PIK3R2: variants seen among roughly 807,000 people sequenced by gnomAD.
PIK3R2 encodes phosphoinositide-3-kinase regulatory subunit 2.
PIK3R2 carries 40 observed loss-of-function variants against 78.5 expected under a neutral mutation model. The observed-to-expected ratio is 0.51, with a 90% confidence interval of 0.40 to 0.66. The LOEUF (loss-of-function observed/expected upper bound fraction) is 0.66, where lower values mean the gene tolerates loss of function less well. Ranked by LOEUF, PIK3R2 falls within the 30% of genes least tolerant of loss-of-function variation. The probability of loss-of-function intolerance (pLI) is 0.00; values close to 1 mark genes in which losing one functional copy is unlikely to be tolerated. For synonymous variants in PIK3R2, 473 were observed against 457.7 expected, an observed-to-expected ratio of 1.03 and a Z score of -0.43; for missense variants, 880 against 1,026.6, an observed-to-expected ratio of 0.86 and a Z score of 1.95.
At position 18,161,475 on chromosome 19, in the gene PIK3R2, G is replaced by C; in HGVS notation, c.795G>C (p.Pro265=). ...LRAPPPPSSP[P]PGGAPDGSEP... The stretch of plus-strand genomic sequence containing the variant: ...CGCCGCCGCCGCCGTCCTCGCCGCC[G>C]CCAGGGGGCGCTCCCGACGGGTGAG... The change falls in exon 6 of 16, where the codon CCG becomes CCC. Residue 265 remains proline (P), a synonymous_variant. Transcript: ENST00000222254. This position sits in a 1 kb window ranked among gnomAD's most constrained non-coding sequence, Gnocchi z 5.3. 4 of 1,174,580 alleles carry C rather than the reference G, an allele frequency of 3.4e-6. No homozygotes were observed. The highest frequency in any genetic ancestry group is 3.4e-4 in the Middle Eastern group (1 of 2,958). The allele number at this position is 1,174,580 out of a possible 1,614,324, so 72.8% of individuals were successfully genotyped here. A position where few individuals can be genotyped will look rare whatever the true frequency, so the allele number is the denominator to read the frequency against.
rs1302784187 is a variant in PIK3R2 at position 18,161,436 on chromosome 19, G to A, written c.756G>A (p.Pro252=). 1 of 1,205,442 alleles carries A rather than the reference G, an allele frequency of 8.3e-7. No homozygotes were observed. The highest frequency in any genetic ancestry group is 1.0e-6 in the Non-Finnish European group (1 of 972,748). 74.7% of individuals were successfully genotyped at this position (1,205,442 alleles called of 1,614,324 possible). ...GGGCCCTGGGCGCCACCTTTGGGCC[G>A]CTGCTGCTGCGCGCGCCGCCGCCGC... ...AVRALGATFG[P]LLLRAPPPPS... is the part of the protein sequence containing the mutation. The change falls in exon 6 of 16, where the codon CCG becomes CCA. Residue 252 remains proline, a synonymous_variant. Coordinates refer to ENST00000222254, the MANE Select transcript of PIK3R2 (RefSeq NM_005027.4). This position sits in a 1 kb window ranked among gnomAD's most constrained non-coding sequence, Gnocchi z 5.3.
At position 18,167,371 on chromosome 19, in the gene PIK3R2, C is replaced by G. The variant is rs1397837614; in HGVS notation, c.1736+65C>G. The G allele has an allele frequency of 7.4e-6, 10 of 1,347,140 alleles. No individual in the cohort carries two copies. The highest frequency in any genetic ancestry group is 1.0e-5 in the Non-Finnish European group (10 of 1,001,078). 83.4% of individuals were successfully genotyped at this position (1,347,140 alleles called of 1,614,324 possible). ...ACTGCTGCGGCACATGGAGATCTCT[C>G]TAGGAGTCTCAGTCTCTCTCTCTCC... On this transcript the variant is annotated intron_variant, in intron 13 of 15. Coordinates refer to ENST00000222254, the MANE Select transcript of PIK3R2 (RefSeq NM_005027.4). This position sits in a 1 kb window ranked among gnomAD's most constrained non-coding sequence, Gnocchi z 4.5.
rs563349063 is a variant in PIK3R2, at chr19:18,155,642, A to G, written c.-238A>G. On this transcript the variant is annotated 5_prime_UTR_variant, in exon 2 of 16. Transcript: ENST00000222254. ...CCAGTGACCTGACACCACACCACCA[A>G]CTCCCTCCCACCAGCTGACGAATGG... The G allele has an allele frequency of 1.8e-6, 1 of 541,526 alleles. No homozygotes were observed. Among genetic ancestry groups the G allele is most frequent in the South Asian group, 2.4e-5 (1 of 41,728 alleles). The allele number at this position is 541,526 out of a possible 1,614,324, so 33.5% of individuals were successfully genotyped here. A position where few individuals can be genotyped will look rare whatever the true frequency, so the allele number is the denominator to read the frequency against.
chr19:18,166,154 C>A lies in PIK3R2; in HGVS notation c.1417-6C>A. On this transcript the variant is annotated splice_region_variant and splice_polypyrimidine_tract_variant and intron_variant, in intron 11 of 15. Transcript: ENST00000222254. ...AGGAGGTGCTGAGCTGCGCCCCCTC[C>A]TCCAGGAGCTGCAGATGAAGCGTAC... 1 of 1,613,946 alleles carries A rather than the reference C, an allele frequency of 6.2e-7. No individual in the cohort carries two copies. The highest frequency in any genetic ancestry group is 8.5e-7 in the Non-Finnish European group (1 of 1,179,978).
At chr19:18,159,144 CTTTT>C (rs57543686) in intron 2 of PIK3R2, among the ~76,000 whole-genome samples, 7 of 50,054 alleles carry the variant, frequency 1.4e-4, no homozygotes, top group African/African-American at 3.2e-4. Flanking sequence ...GCCTGGCCTC[CTTTT>C]TTTTTTTTTT....
intron 11 of PIK3R2, among the ~76,000 whole-genome samples, chr19:18,164,539 T>G (rs1195316783): frequency 6.6e-6 from 1 of 152,174 alleles, no homozygotes; most frequent in African/African-American, 2.4e-5. Flanking sequence ...CTAATAAGCT[T>G]CTTTTGCAAG....
rs2043820682 is a variant in PIK3R2 at position 18,167,391 on chromosome 19, C to T, written c.1736+85C>T. The T allele has an allele frequency of 8.1e-7, 1 of 1,229,770 alleles. No individual in the cohort carries two copies. Among genetic ancestry groups the T allele is most frequent in the South Asian group, 1.7e-5 (1 of 57,466 alleles). The allele number at this position is 1,229,770 out of a possible 1,614,324, so 76.2% of individuals were successfully genotyped here. A position where few individuals can be genotyped will look rare whatever the true frequency, so the allele number is the denominator to read the frequency against. On this transcript the variant is annotated intron_variant, in intron 13 of 15. Transcript: ENST00000222254. This position sits in a 1 kb window ranked among gnomAD's most constrained non-coding sequence, Gnocchi z 4.5. ...TCTCTCTAGGAGTCTCAGTCTCTCT[C>T]TCTCCACCAAGTGGCCCTTCCTGGG...
In PIK3R2 at chr19:18,160,974, A is replaced by C; in HGVS notation, c.466+5A>C. The stretch of plus-strand genomic sequence containing the variant: ...AGCTGCCCGCACCGCGTACAGGTGA[A>C]GGGGAGCCTCAATGGGGTTGGGAGG... On this transcript the variant is annotated splice_donor_5th_base_variant and intron_variant, in intron 4 of 15. Coordinates refer to ENST00000222254, the MANE Select transcript of PIK3R2 (RefSeq NM_005027.4). The C allele has an allele frequency of 6.2e-7, 1 of 1,612,804 alleles. No homozygotes were observed. Among genetic ancestry groups the C allele is most frequent in the African/African-American group, 1.3e-5 (1 of 75,058 alleles).
Position 18,169,389 on chromosome 19 carries a change from G to A in PIK3R2, c.*95G>A, listed in dbSNP as rs1191344924. 2 of 584,050 alleles carry A rather than the reference G, an allele frequency of 3.4e-6. No individual in the cohort carries two copies. Among genetic ancestry groups the A allele is most frequent in the Non-Finnish European group, 5.0e-6 (2 of 399,724 alleles). 36.2% of individuals were successfully genotyped at this position (584,050 alleles called of 1,614,324 possible). A position where few individuals can be genotyped will look rare whatever the true frequency, so the allele number is the denominator to read the frequency against. On this transcript the variant is annotated 3_prime_UTR_variant, in exon 16 of 16. Transcript: ENST00000222254. ...CCACGGACCAGACCAGCCACATCCAGGGGTCCTCATTTCTCCGGCTCTGGC... is the reference window on the plus strand; with the variant it reads ...CCACGGACCAGACCAGCCACATCCAAGGGTCCTCATTTCTCCGGCTCTGGC...
chr19:18,168,240 G>A lies in PIK3R2; in HGVS notation c.1737-235G>A, dbSNP rs1041702825. ...CATCTTCTTGGGGGACTCCATAGGCGTTAACAGAAACAAAAAAATGAGGGG... is the reference window on the plus strand; with the variant it reads ...CATCTTCTTGGGGGACTCCATAGGCATTAACAGAAACAAAAAAATGAGGGG... On this transcript the variant is annotated intron_variant, in intron 13 of 15. Coordinates refer to ENST00000222254, the MANE Select transcript of PIK3R2 (RefSeq NM_005027.4). This position sits in a 1 kb window ranked among gnomAD's most constrained non-coding sequence, Gnocchi z 4.1. Among the ~76,000 whole-genome samples the A allele has an allele frequency of 9.2e-5, 14 of 152,160 alleles. No individual in the cohort carries two copies. Among genetic ancestry groups the A allele is most frequent in the Non-Finnish European group, 1.8e-4 (12 of 68,012 alleles).
chr19:18,166,016 G>T, intron 11 of PIK3R2, 144 bp from the exon 12 acceptor site: 2 of 1,014,384 alleles, frequency 2.0e-6, no homozygotes, highest in Non-Finnish European at 3.1e-6. Context: ...GAGTTCATTT[G>T]GTGCAGCAGG....
At chr19:18,162,750 C>T (rs924858638) in intron 9 of PIK3R2, 1 of 602,262 alleles carries the variant, frequency 1.7e-6, no homozygotes, top group Non-Finnish European at 2.9e-6. Context: ...ATTAGCCAGG[C>T]ATGGTGATGG....
intron 2 of PIK3R2, among the ~76,000 whole-genome samples, chr19:18,157,088 A>C (rs758589970): frequency 2.9e-4 from 44 of 152,224 alleles, no homozygotes; most frequent in Non-Finnish European, 4.4e-4. Flanking sequence ...AGGGAGGCCA[A>C]AGCCCCGGGA....
At chr19:18,163,657 C>CAAAAAAATTT (rs1190517663) in intron 11 of PIK3R2, among the ~76,000 whole-genome samples, 5 of 152,058 alleles carry the variant, frequency 3.3e-5, no homozygotes, top group Non-Finnish European at 5.9e-5. Context: ...GACCCGTCTA[C>CAAAAAAATTT]AAAAAAATTT....
chr19:18,157,557 C>T (rs773867660), intron 2 of PIK3R2, among the ~76,000 whole-genome samples: 4 of 152,186 alleles, frequency 2.6e-5, no homozygotes, highest in African/African-American at 9.7e-5. Flanking sequence ...TGTGCACCCA[C>T]GGGGGAGGTT....
At chr19:18,160,592 G>C in intron 3 of PIK3R2, 29 bp downstream of exon 3, 1 of 1,534,450 alleles carries the variant, frequency 6.5e-7, no homozygotes, top group Non-Finnish European at 9.0e-7. Flanking sequence ...GCAGCCCCTG[G>C]ATTCTGCTTG....
Position 18,168,974 on chromosome 19 carries a change from G to C in PIK3R2, c.1979+78G>C, listed in dbSNP as rs2043839121. 20 of 1,559,942 alleles carry C rather than the reference G, an allele frequency of 1.3e-5. No individual in the cohort carries two copies. Among genetic ancestry groups the C allele is most frequent in the Non-Finnish European group, 1.7e-5 (19 of 1,143,324 alleles). ...GAATGCCTGCCGCGTGCCAGGCCTTGGGAAGGAGTCCCTGGTGGGGTCATC... is the reference window on the plus strand; with the variant it reads ...GAATGCCTGCCGCGTGCCAGGCCTTCGGAAGGAGTCCCTGGTGGGGTCATC... On this transcript the variant is annotated intron_variant, in intron 15 of 15. Transcript: ENST00000222254. This position sits in a 1 kb window ranked among gnomAD's most constrained non-coding sequence, Gnocchi z 4.1.
chr19:18,160,967 C>T lies in PIK3R2; in HGVS notation c.464C>T (p.Thr155Ile), dbSNP rs1337381579. ...CGCCCGGAGCTGCCCGCACCGCGTA[C>T]AGGTGAAGGGGAGCCTCAATGGGGT... ...HYRPELPAPR[T>I]DWSLSDVDQW... The change falls in exon 4 of 16, where the codon ACA (threonine) becomes ATA (isoleucine). Residue 155 changes from threonine to isoleucine, a missense_variant and splice_region_variant. By Grantham distance (89) the Thr-to-Ile change is moderately conservative. Coordinates refer to ENST00000222254, the MANE Select transcript of PIK3R2 (RefSeq NM_005027.4). The T allele has an allele frequency of 4.3e-6, 7 of 1,612,536 alleles. No individual in the cohort carries two copies. Among genetic ancestry groups the T allele is most frequent in the Non-Finnish European group, 5.9e-6 (7 of 1,179,722 alleles).
Position 18,161,349 on chromosome 19 carries a change from CT to C in PIK3R2, c.671del (p.Phe224SerfsTer117). Reference protein sequence around the residue: ...LPLHRALTLRFLLQHLGRVAS... With the variant: ...LPLHRALTLRXLLQHLGRVAS... ...CGCTGCACCGCGCGCTCACGCTGCG[CT>C]TCCTGCTCCAGCACCTGGGCCGCGT... On this transcript the variant is annotated frameshift_variant, in exon 6 of 16. Coordinates refer to ENST00000222254, the MANE Select transcript of PIK3R2 (RefSeq NM_005027.4). LOFTEE classifies it high-confidence loss of function. The surrounding 1 kb of genome is among the most constrained non-coding windows in gnomAD (Gnocchi z 5.3). 7.6e-7 allele frequency: 1 copy of C among 1,322,386 alleles called. No individual in the cohort carries two copies. Among genetic ancestry groups the C allele is most frequent in the Non-Finnish European group, 9.6e-7 (1 of 1,039,646 alleles). 81.9% of individuals were successfully genotyped at this position (1,322,386 alleles called of 1,614,324 possible).
Sources: allele counts gnomAD v4.1 joint callset (sites outside exome capture counted in the v4.1 genomes callset), GRCh38; gene constraint gnomAD v4.1.1; non-coding constraint Gnocchi (gnomAD v3.1); transcripts MANE v1.5; gene names NCBI Gene and HGNC (gene_info 2026-07-23, HGNC 2026-07-21).